BRWD1: variants seen among roughly 807,000 people sequenced by gnomAD.
The protein encoded by BRWD1 is bromodomain and WD repeat domain containing 1, also known as bromodomain and WD repeat-containing protein 1.
A neutral mutation model predicts 251.2 loss-of-function variants in BRWD1; 82 were observed. The ratio of observed to expected loss-of-function variants is 0.33; its 90% CI spans 0.27 to 0.39. BRWD1 has a LOEUF of 0.39. Ranked by LOEUF, BRWD1 falls within the 10% of genes least tolerant of loss-of-function variation. The pLI, the probability that BRWD1 is intolerant of heterozygous loss-of-function variation, is 1.00. For synonymous variants in BRWD1, 918 were observed against 902.8 expected (o/e 1.02, Z -0.30); for missense variants, 2,233 against 2,711.6 (o/e 0.82, Z 3.92).
intron 17 of BRWD1, among the ~76,000 whole-genome samples, chr21:39,259,447 T>A (rs184629359): frequency 6.7e-6 from 1 of 149,770 alleles, no homozygotes; most frequent in Non-Finnish European, 1.5e-5. Context: ...CCCACCACCA[T>A]GCCCGGCTAA....
At chr21:39,237,760 G>GT (rs1254575956) in intron 22 of BRWD1, among the ~76,000 whole-genome samples, 1 of 152,100 alleles carries the variant, frequency 6.6e-6, no homozygotes, top group Non-Finnish European at 1.5e-5. Flanking sequence ...GTCAATGTAC[G>GT]TAACAGTACT....
At position 39,264,923 on chromosome 21, in the gene BRWD1, A is replaced by G. The variant is rs766586107; in HGVS notation, c.1627T>C (p.Phe543Leu). The G allele has an allele frequency of 6.2e-6, 10 of 1,613,790 alleles. No homozygotes were observed. The highest frequency in any genetic ancestry group is 4.5e-5 in the East Asian group (2 of 44,872). ...CTDSHGHLLIFGFGCSKPYEK... is the reference protein window; with the variant it reads ...CTDSHGHLLILGFGCSKPYEK... Reference sequence around the variant, plus strand: ...TATGGTTTGCTGCATCCAAAACCAAATATCAGAAGGTGCCCATGAGAATCT... The same window carrying G: ...TATGGTTTGCTGCATCCAAAACCAAGTATCAGAAGGTGCCCATGAGAATCT... The change falls in exon 16 of 41, where the codon TTT becomes CTT. Residue 543 changes from phenylalanine (F) to leucine (L), a missense_variant. Physicochemically the swap from Phe to Leu is conservative, Grantham distance 22. Coordinates refer to ENST00000342449, the MANE Select transcript of BRWD1 (RefSeq NM_033656.4).
At chr21:39,292,805 T>C (rs903372492) in intron 8 of BRWD1, among the ~76,000 whole-genome samples, 3 of 152,230 alleles carry the variant, frequency 2.0e-5, no homozygotes, top group African/African-American at 7.2e-5. Context: ...TCTTTTATTC[T>C]ACAGCAACCA....
chr21:39,315,401 G>A (rs1175572549), upstream of BRWD1, among the ~76,000 whole-genome samples: 3 of 152,058 alleles, frequency 2.0e-5, no homozygotes, highest in Non-Finnish European at 2.9e-5. Flanking sequence ...TTGGGAGGCC[G>A]AGGCAGGCGG....
At chr21:39,230,520 C>T (rs1157746250) in intron 25 of BRWD1, among the ~76,000 whole-genome samples, 2 of 152,148 alleles carry the variant, frequency 1.3e-5, no homozygotes, top group Non-Finnish European at 2.9e-5. Context: ...CTGTAGTAAA[C>T]CAGTGCATAC....
chr21:39,278,902 A>T (rs2035362971), intron 9 of BRWD1, 89 bp from the exon 10 acceptor site: 2 of 1,045,910 alleles, frequency 1.9e-6, no homozygotes, highest in African/African-American at 3.4e-5. Flanking sequence ...GCATATTTAA[A>T]TATTATAATT....
At chr21:39,281,426 G>T (rs6517535) in intron 8 of BRWD1, among the ~76,000 whole-genome samples, 1 of 151,980 alleles carries the variant, frequency 6.6e-6, no homozygotes, top group Non-Finnish European at 1.5e-5. Context: ...CGAGTGCTGT[G>T]GCTCATGCCT....
intron 4 of BRWD1, among the ~76,000 whole-genome samples, chr21:39,299,485 A>G (rs2036049402): frequency 6.6e-6 from 1 of 152,158 alleles, no homozygotes; most frequent in Non-Finnish European, 1.5e-5. Flanking sequence ...ATAGACAAAT[A>G]TATGTCTGTT....
At chr21:39,236,311 G>A (rs762483087) in intron 23 of BRWD1, among the ~76,000 whole-genome samples, 6 of 152,008 alleles carry the variant, frequency 3.9e-5, no homozygotes, top group Middle Eastern at 3.4e-3. Context: ...CTTCCCACAG[G>A]CCCCAGAGCT....
rs575429930 is a variant in BRWD1 at position 39,275,438 on chromosome 21, A to C, written c.1145+735T>G. Among the ~76,000 whole-genome samples, 16 of 152,334 alleles carry C rather than the reference A, an allele frequency of 1.1e-4. No individual in the cohort carries two copies. In the South Asian group the frequency reaches 3.3e-3, roughly 32 times the overall value. On this transcript the variant is annotated intron_variant, in intron 12 of 40. Transcript: ENST00000342449. ...ACTTTTGGTCGCTAGAAGCTGGCAGAAACTACAATTCTAAAAACTTACATT... is the reference window on the plus strand; with the variant it reads ...ACTTTTGGTCGCTAGAAGCTGGCAGCAACTACAATTCTAAAAACTTACATT...
At position 39,250,912 on chromosome 21, in the gene BRWD1, A is replaced by T. The variant is rs193036944; in HGVS notation, c.2256-23T>A. ...TTCCTACAAATTTAAATACCCAGTT[A>T]TATTAACTACTGAACTGATGGATAA... On this transcript the variant is annotated intron_variant, in intron 19 of 40. Transcript: ENST00000342449. 317 of 1,421,602 alleles carry T rather than the reference A, an allele frequency of 2.2e-4. 1 individual carries two copies. In the African/African-American group the frequency reaches 3.8e-3, roughly 17 times the overall value. The allele number at this position is 1,421,602 out of a possible 1,614,324, so 88.1% of individuals were successfully genotyped here.
Position 39,217,052 on chromosome 21 carries a change from T to C in BRWD1, c.3659+1100A>G, listed in dbSNP as rs1568877906. The stretch of plus-strand genomic sequence containing the variant: ...ATATATATAAATATATATATATATT[T>C]ATATATATATATATATATATATATA... On this transcript the variant is annotated intron_variant, in intron 31 of 40. Coordinates refer to ENST00000342449, the MANE Select transcript of BRWD1 (RefSeq NM_033656.4). 2.8e-3 allele frequency: 50 copies of C among 17,992 alleles called. 6 individuals are homozygous for C. Among genetic ancestry groups the C allele is most frequent in the African/African-American group, 7.9e-3 (41 of 5,162 alleles). The allele number at this position is 17,992 out of a possible 1,614,324, so 1.1% of individuals were successfully genotyped here.
At chr21:39,220,445 T>A (rs1601310681) in intron 29 of BRWD1, among the ~76,000 whole-genome samples, 2 of 152,256 alleles carry the variant, frequency 1.3e-5, no homozygotes, top group East Asian at 3.8e-4. Context: ...CAAACCCATC[T>A]ACCATATCTT....
At chr21:39,306,614 C>T (rs764114350) in intron 4 of BRWD1, among the ~76,000 whole-genome samples, 17 of 151,948 alleles carry the variant, frequency 1.1e-4, no homozygotes, top group Non-Finnish European at 1.9e-4. Flanking sequence ...GAAAAAATAC[C>T]AGAAGATCCT....
At chr21:39,231,297 T>C (rs937600752) in intron 25 of BRWD1, among the ~76,000 whole-genome samples, 4 of 152,220 alleles carry the variant, frequency 2.6e-5, no homozygotes, top group African/African-American at 9.6e-5. Context: ...TTTGCTACCA[T>C]AACCAGAAAT....
intron 29 of BRWD1, among the ~76,000 whole-genome samples, chr21:39,220,084 C>T (rs114429908): frequency 0.015 from 2,257 of 151,910 alleles, 54 homozygotes; most frequent in African/African-American, 0.052. Flanking sequence ...CACATCTATA[C>T]CACCTAAAAA....
At chr21:39,289,391 A>G (rs1009708682) in intron 8 of BRWD1, among the ~76,000 whole-genome samples, 3 of 152,178 alleles carry the variant, frequency 2.0e-5, no homozygotes, top group Non-Finnish European at 4.4e-5. Context: ...CTTTAATTCC[A>G]TATGTATTTT....
In BRWD1 at chr21:39,194,533, G is replaced by A; in HGVS notation, c.*1726C>T. The stretch of plus-strand genomic sequence containing the variant: ...TTCTGAAATGGTGATAGCTCTCTAA[G>A]CCACAAATGAGAGGAGGTTTCCCAC... On this transcript the variant is annotated 3_prime_UTR_variant, in exon 41 of 41. Coordinates refer to ENST00000342449, the MANE Select transcript of BRWD1 (RefSeq NM_033656.4). The A allele has an allele frequency of 7.0e-7, 1 of 1,436,470 alleles. No homozygotes were observed. The highest frequency in any genetic ancestry group is 9.1e-7 in the Non-Finnish European group (1 of 1,101,456). The allele number at this position is 1,436,470 out of a possible 1,614,324, so 89.0% of individuals were successfully genotyped here.
intron 17 of BRWD1, among the ~76,000 whole-genome samples, chr21:39,259,953 T>C (rs1410185565): frequency 6.6e-6 from 1 of 152,180 alleles, no homozygotes; most frequent in Non-Finnish European, 1.5e-5. Flanking sequence ...TAAAACCTCA[T>C]ATAGTATTAT....
Sources: allele counts gnomAD v4.1 joint callset (sites outside exome capture counted in the v4.1 genomes callset), GRCh38; gene constraint gnomAD v4.1.1; transcripts MANE v1.5; gene names NCBI Gene and HGNC (gene_info 2026-07-23, HGNC 2026-07-21).